SAFB: variants seen among roughly 807,000 people sequenced by gnomAD.
SAFB encodes the protein scaffold attachment factor B1.
SAFB carries 15 observed loss-of-function variants against 101.6 expected under a neutral mutation model. The observed-to-expected ratio is 0.15, with a 90% CI of 0.10 to 0.23. The LOEUF (loss-of-function observed/expected upper bound fraction) is 0.23. Among genes scored for constraint, SAFB ranks in the 10% least tolerant of loss-of-function variants. SAFB has a pLI of 1.00. For missense variants in SAFB, 930 were observed against 1,104.1 expected (o/e 0.84, Z 2.23); for synonymous variants, 449 against 407.5 (o/e 1.10, Z -1.23).
At position 5,654,083 on chromosome 19, in the gene SAFB, G is replaced by A; in HGVS notation, c.1549G>A (p.Asp517Asn). Residue 517 changes from aspartate to asparagine, a missense_variant, in exon 12 of 21, where the codon GAT becomes AAT. Around this residue, in one of 7 missense-constraint regions of SAFB, gnomAD observed 92 missense variants for 83.8 expected, o/e 1.10. Coordinates refer to ENST00000588852, the MANE Select transcript of SAFB (RefSeq NM_001201338.2). ...TAGATCTACAAACCTTAAGAGGGAT[G>A]ATAAATGTGACAGAAAAGATGATGC... ...SDRSTNLKRD[D>N]KCDRKDDAKK... 6.2e-7 allele frequency: 1 copy of A among 1,614,154 alleles called. No homozygotes were observed. Among genetic ancestry groups the A allele is most frequent in the East Asian group, 2.2e-5 (1 of 44,886 alleles).
At chr19:5,633,596 G>A (rs2053534370) in intron 2 of SAFB, among the ~76,000 whole-genome samples, 1 of 152,178 alleles carries the variant, frequency 6.6e-6, no homozygotes, top group African/African-American at 2.4e-5. Flanking sequence ...TGGCTAACAC[G>A]GTGAAACCCC....
intron 1 of SAFB, among the ~76,000 whole-genome samples, chr19:5,624,346 G>T (rs574766172): frequency 6.6e-6 from 1 of 152,014 alleles, no homozygotes; most frequent in Non-Finnish European, 1.5e-5. Flanking sequence ...TCGGTGTGTG[G>T]TTGCCATCAC....
At chr19:5,639,895 C>T (rs763318037) in intron 2 of SAFB, among the ~76,000 whole-genome samples, 14 of 151,638 alleles carry the variant, frequency 9.2e-5, no homozygotes, top group African/African-American at 3.1e-4. Flanking sequence ...TGGAGTGCAA[C>T]GGCAGGATCT....
At chr19:5,640,582 T>C (rs1308889033) in intron 2 of SAFB, among the ~76,000 whole-genome samples, 1 of 151,998 alleles carries the variant, frequency 6.6e-6, no homozygotes, top group Non-Finnish European at 1.5e-5. Context: ...TCCTCTGCAA[T>C]TTTTGTTTTG....
rs146221310 is a variant in SAFB at position 5,644,324 on chromosome 19, C to T, written c.547-1013C>T. On this transcript the variant is annotated intron_variant, in intron 4 of 20. Transcript: ENST00000588852. The stretch of plus-strand genomic sequence containing the variant: ...CGTAGAGTTATGAAATGTACCACCA[C>T]GAATACAGTTTTTACTGCAGTGTAA... Among the ~76,000 whole-genome samples, 63 of 152,292 alleles carry T rather than the reference C, an allele frequency of 4.1e-4. 1 individual carries two copies. The highest frequency in any genetic ancestry group is 1.4e-3 in the African/African-American group (60 of 41,560).
chr19:5,664,295 T>C lies in SAFB; in HGVS notation c.2292-102T>C, dbSNP rs117946239. On this transcript the variant is annotated intron_variant, in intron 16 of 20. Coordinates refer to ENST00000588852, the MANE Select transcript of SAFB (RefSeq NM_001201338.2). ...GAGTCAGACCCGCAGGTCTCCTGCC[T>C]TCAGTTAGGGAAATTATGCTTTTCA... The C allele has an allele frequency of 2.0e-3, 2,858 of 1,440,094 alleles. 81 individuals carry two copies. The East Asian group carries it at 0.053, about 27-fold the overall frequency. The allele number at this position is 1,440,094 out of a possible 1,614,324, so 89.2% of individuals were successfully genotyped here.
chr19:5,641,642 A>G lies in SAFB; in HGVS notation c.323A>G (p.Asn108Ser). ...EGVEDNGLEE[N>S]SGDGQEDVET... ...GTGGAAGATAACGGGCTGGAGGAAA[A>G]CTCTGGGGATGGACAGGTATGTGCA... The change falls in exon 3 of 21, where the codon AAC becomes AGC. Residue 108 changes from asparagine (N) to serine (S), a missense_variant. Physicochemically the swap from Asn to Ser is conservative, Grantham distance 46 (BLOSUM62 1). This residue lies in a region of SAFB where 119 missense variants were observed against 171.4 expected (regional missense o/e 0.69). Transcript: ENST00000588852. 1.2e-6 allele frequency: 2 copies of G among 1,613,658 alleles called. No individual in the cohort carries two copies. Among genetic ancestry groups the G allele is most frequent in the Non-Finnish European group, 1.7e-6 (2 of 1,179,956 alleles).
Position 5,668,316 on chromosome 19 carries a change from T to C in SAFB, c.*25T>C. Reference sequence around the variant, plus strand: ...AGTACTTGGAATCCTGTGTCCTGTCTCGTGGCAACAAGGCTATGTTCTGTT... The same window carrying C: ...AGTACTTGGAATCCTGTGTCCTGTCCCGTGGCAACAAGGCTATGTTCTGTT... On this transcript the variant is annotated 3_prime_UTR_variant, in exon 21 of 21. Transcript: ENST00000588852. 1.2e-6 allele frequency: 2 copies of C among 1,604,452 alleles called. No individual in the cohort carries two copies. Among genetic ancestry groups the C allele is most frequent in the Non-Finnish European group, 8.5e-7 (1 of 1,177,826 alleles).
intron 2 of SAFB, among the ~76,000 whole-genome samples, chr19:5,630,615 G>A (rs760337272): frequency 6.6e-6 from 1 of 151,770 alleles, no homozygotes; most frequent in Non-Finnish European, 1.5e-5. Flanking sequence ...AATTATCTGG[G>A]TGTGGTGGCA....
chr19:5,662,787 C>T (rs2054244751), intron 15 of SAFB, among the ~76,000 whole-genome samples: 1 of 150,476 alleles, frequency 6.6e-6, no homozygotes. Flanking sequence ...ATTACAGGCA[C>T]CCACCACCAC....
chr19:5,648,098 A>G (rs760903205), intron 6 of SAFB, 55 bp downstream of exon 6: 2 of 1,395,730 alleles, frequency 1.4e-6, no homozygotes, highest in Non-Finnish European at 2.0e-6. Context: ...CTAGTTTTCC[A>G]CCTTCTCTAA....
intron 2 of SAFB, among the ~76,000 whole-genome samples, chr19:5,634,856 C>T (rs1326639062): frequency 1.3e-5 from 2 of 152,010 alleles, no homozygotes; most frequent in East Asian, 3.9e-4. Flanking sequence ...TACACAGTTC[C>T]GCAAGGTGCG....
chr19:5,637,673 A>C (rs2053623411), intron 2 of SAFB, among the ~76,000 whole-genome samples: 1 of 152,142 alleles, frequency 6.6e-6, no homozygotes, highest in East Asian at 1.9e-4. Context: ...CTCCAAAAAA[A>C]AATAGACTAT....
At chr19:5,666,781 C>T in intron 17 of SAFB, 1 of 530,492 alleles carries the variant, frequency 1.9e-6, no homozygotes, top group Non-Finnish European at 3.4e-6. Context: ...TGGTGGCCCT[C>T]CCAGCTCTGG....
chr19:5,654,570 C>T (rs901683125), intron 13 of SAFB, 114 bp downstream of exon 13: 4 of 757,272 alleles, frequency 5.3e-6, no homozygotes, highest in Non-Finnish European at 9.4e-6. Flanking sequence ...TCGGCCGTTT[C>T]GAAAATGTAG....
At chr19:5,660,523 C>T (rs1018285434) in intron 14 of SAFB, among the ~76,000 whole-genome samples, 1 of 150,940 alleles carries the variant, frequency 6.6e-6, no homozygotes, top group Non-Finnish European at 1.5e-5. Flanking sequence ...TTTCTGGAGA[C>T]GGGGTCTCAC....
chr19:5,623,980 C>G (rs373101561), intron 1 of SAFB: 1 of 152,384 alleles, frequency 6.6e-6, no homozygotes, highest in South Asian at 2.1e-4. Context: ...TTTGCCGGTA[C>G]TCGCTCGGTG....
rs377130120 is a variant in SAFB at position 5,630,962 on chromosome 19, C to T, written c.274+4473C>T. On this transcript the variant is annotated intron_variant, in intron 2 of 20. Transcript: ENST00000588852. ...ATCCCAGCACTTTGGGAGGCTGAGG[C>T]GGGCAGATCACCTGAGGTCAGGAGT... Among the ~76,000 whole-genome samples the T allele has an allele frequency of 1.9e-4, 29 of 152,066 alleles. 1 individual carries two copies. The highest frequency in any genetic ancestry group is 6.8e-3 in the Middle Eastern group (2 of 292).
At position 5,623,343 on chromosome 19, in the gene SAFB, G is replaced by C; in HGVS notation, c.138G>C (p.Arg46=). 6.2e-7 allele frequency: 1 copy of C among 1,614,078 alleles called. No individual in the cohort carries two copies. Among genetic ancestry groups the C allele is most frequent in the Non-Finnish European group, 8.5e-7 (1 of 1,179,920 alleles). The change falls in exon 1 of 21, where the codon CGG becomes CGC. Residue 46 remains arginine (R), a synonymous_variant. Transcript: ENST00000588852. ...VIDLRAELRK[R]NVDSSGNKSV... ...ATCTGCGGGCGGAGCTGAGGAAACG[G>C]AATGTGGACTCGAGCGGCAACAAGA...
Sources: allele counts gnomAD v4.1 joint callset (sites outside exome capture counted in the v4.1 genomes callset), GRCh38; gene constraint gnomAD v4.1.1; regional missense constraint gnomAD v4.1.1; transcripts MANE v1.5; gene names NCBI Gene and HGNC (gene_info 2026-07-23, HGNC 2026-07-21).